The following GDAP1 variants were observed in gnomAD, a reference collection of about 807,000 sequenced individuals.
GDAP1 encodes the protein ganglioside induced differentiation associated protein 1.
GDAP1 carries 34 observed loss-of-function variants against 40.1 expected under a neutral mutation model. The ratio of observed to expected loss-of-function variants is 0.85; its 90% CI spans 0.64 to 1.13. The LOEUF (loss-of-function observed/expected upper bound fraction) is 1.13, where lower values mean the gene tolerates loss of function less well. Among genes scored for constraint, GDAP1 ranks in the 50% most tolerant of loss-of-function variants. GDAP1 has a pLI of 0.00. For missense variants in GDAP1, 374 were observed against 433.7 expected (o/e 0.86, Z 1.22); for synonymous variants, 170 against 157.4 (o/e 1.08, Z -0.60).
chr8:74,461,278 C>G (rs1332689789), intron 2 of GDAP1, among the ~76,000 whole-genome samples: 1 of 152,140 alleles, frequency 6.6e-6, no homozygotes, highest in Non-Finnish European at 1.5e-5. Context: ...TAGATACTTT[C>G]CCGGGAAAGC....
In GDAP1 at chr8:74,366,146, G is replaced by A. The variant is rs886063115; in HGVS notation, c.*1779G>A. The A allele has an allele frequency of 2.2e-6, 1 of 452,204 alleles. No individual in the cohort carries two copies. The highest frequency in any genetic ancestry group is 4.4e-6 in the Non-Finnish European group (1 of 226,342). 28.0% of individuals were successfully genotyped at this position (452,204 alleles called of 1,614,324 possible). On this transcript the variant is annotated 3_prime_UTR_variant, in exon 6 of 6. Coordinates refer to ENST00000220822, the MANE Select transcript of GDAP1 (RefSeq NM_018972.4). ...ATTTATATTATTCCTGAATCATAGG[G>A]AATCTTTCTAGAATGTGTTTATAAT...
At position 74,375,223 on chromosome 8, in the gene GDAP1, A is replaced by G. The variant is rs539899638; in HGVS notation, c.165+23902A>G. Among the ~76,000 whole-genome samples the G allele has an allele frequency of 2.0e-5, 3 of 152,242 alleles. No homozygotes were observed. In the East Asian group the frequency reaches 5.8e-4, roughly 29 times the overall value. ...GCACCTGTAATCCGAGCTACTTGGG[A>G]AACTGAGGCAAGAGAATCTCTTGAA... is the stretch of plus-strand genomic sequence containing the variant. On this transcript the variant is annotated intron_variant, in intron 2 of 2. Coordinates refer to the GDAP1 transcript ENST00000523640.
intron 2 of GDAP1, among the ~76,000 whole-genome samples, chr8:74,425,535 T>C (rs1477900174): frequency 6.6e-6 from 1 of 152,164 alleles, no homozygotes; most frequent in Non-Finnish European, 1.5e-5. Context: ...CAATTACCCT[T>C]ATCTGATGAA....
At position 74,350,538 on chromosome 8, in the gene GDAP1, T is replaced by C. The variant is rs765075797; in HGVS notation, c.77T>C (p.Leu26Pro). 1.2e-6 allele frequency: 2 copies of C among 1,612,606 alleles called. No individual in the cohort carries two copies. Among genetic ancestry groups the C allele is most frequent in the Non-Finnish European group, 8.5e-7 (1 of 1,178,594 alleles). ...GGCAAGGCCGACGCGGAGGTTAAGCTCATTCTGTACCATTGGACGCATTCC... is the reference window on the plus strand; with the variant it reads ...GGCAAGGCCGACGCGGAGGTTAAGCCCATTCTGTACCATTGGACGCATTCC... ...AEGKADAEVK[L>P]ILYHWTHSFS... The change falls in exon 1 of 6, where the codon CTC becomes CCC. Residue 26 changes from leucine to proline, a missense_variant. Transcript: ENST00000220822.
chr8:74,369,636 CATAT>C (rs58023590), downstream of GDAP1, among the ~76,000 whole-genome samples: 2 of 149,776 alleles, frequency 1.3e-5, no homozygotes, highest in Admixed American at 6.6e-5. Flanking sequence ...TGTGTGTGTG[CATAT>C]ATATATATAT....
At chr8:74,379,943 C>T (rs1809920828) in intron 2 of GDAP1, among the ~76,000 whole-genome samples, 1 of 152,198 alleles carries the variant, frequency 6.6e-6, no homozygotes. Context: ...GCTTTAAACC[C>T]TCTACTCCTA....
At chr8:74,483,290 C>CA (rs1373834553) in intron 2 of GDAP1, among the ~76,000 whole-genome samples, 1 of 152,070 alleles carries the variant, frequency 6.6e-6, no homozygotes, top group Non-Finnish European at 1.5e-5. Flanking sequence ...CACACAATAA[C>CA]AGTAGGCAGC....
At chr8:74,371,110 A>G (rs1318030094), downstream of GDAP1, among the ~76,000 whole-genome samples, 1 of 152,204 alleles carries the variant, frequency 6.6e-6, no homozygotes, top group Non-Finnish European at 1.5e-5. Context: ...TCTCATTCAC[A>G]TTTACTAGAC....
In GDAP1 at chr8:74,374,602, G is replaced by A. The variant is rs192697710; in HGVS notation, c.165+23281G>A. Among the ~76,000 whole-genome samples, 345 of 151,890 alleles carry A rather than the reference G, an allele frequency of 2.3e-3. 2 individuals are homozygous for A. The highest frequency in any genetic ancestry group is 8.0e-3 in the African/African-American group (331 of 41,380). ...CTAACAAAATTGATAAACCCCAAAA[G>A]GATAAATCAAGAAATACATAGAGAA... is the stretch of plus-strand genomic sequence containing the variant. On this transcript the variant is annotated intron_variant, in intron 2 of 2. Coordinates refer to the GDAP1 transcript ENST00000523640.
At chr8:74,394,418 G>C (rs907093061) in intron 2 of GDAP1, among the ~76,000 whole-genome samples, 1 of 152,142 alleles carries the variant, frequency 6.6e-6, no homozygotes, top group African/African-American at 2.4e-5. Flanking sequence ...CTCAAGATAG[G>C]AGAGGTAATC....
intron 2 of GDAP1, 74 bp from the exon 3 acceptor site, chr8:74,360,063 T>G: frequency 1.0e-6 from 1 of 983,310 alleles, no homozygotes; most frequent in Non-Finnish European, 1.6e-6. Flanking sequence ...GAGTGGATAG[T>G]GTTTTTGTTT....
Position 74,407,898 on chromosome 8 carries a change from A to G in GDAP1, c.165+56577A>G, listed in dbSNP as rs570164554. On this transcript the variant is annotated intron_variant, in intron 2 of 2. Transcript: ENST00000523640. ...ACTGACTTAGACAACAGGAAAAGAA[A>G]CTAGATATTTACTTCTTCTTTTAAT... Among the ~76,000 whole-genome samples, 209 of 149,910 alleles carry G rather than the reference A, an allele frequency of 1.4e-3. 20 individuals carry two copies. The highest frequency in any genetic ancestry group is 5.1e-3 in the African/African-American group (200 of 39,288).
intron 2 of GDAP1, among the ~76,000 whole-genome samples, chr8:74,480,691 C>T (rs1302544406): frequency 6.6e-6 from 1 of 152,196 alleles, no homozygotes; most frequent in Non-Finnish European, 1.5e-5. Context: ...AGTCACATTT[C>T]TAGAGGTCAA....
At chr8:74,422,171 TTTTC>T (rs373360217) in intron 2 of GDAP1, among the ~76,000 whole-genome samples, 97 of 142,422 alleles carry the variant, frequency 6.8e-4, no homozygotes, top group African/African-American at 2.6e-3. Flanking sequence ...TCTTTCTTTC[TTTTC>T]TTTCTTTCTT....
intron 2 of GDAP1, among the ~76,000 whole-genome samples, chr8:74,406,646 G>A (rs73331316): frequency 0.11 from 16,853 of 149,782 alleles, 2,403 homozygotes; most frequent in African/African-American, 0.25. Context: ...CCAACTGATG[G>A]GGGATATCAT....
chr8:74,371,884 A>G (rs940123068), intron 2 of GDAP1, among the ~76,000 whole-genome samples: 2 of 151,586 alleles, frequency 1.3e-5, no homozygotes, highest in Non-Finnish European at 2.9e-5. Flanking sequence ...TTAACTCGTC[A>G]TTTACATTAG....
intron 2 of GDAP1, among the ~76,000 whole-genome samples, chr8:74,421,261 A>G (rs1374920222): frequency 6.6e-6 from 1 of 152,204 alleles, no homozygotes; most frequent in Non-Finnish European, 1.5e-5. Flanking sequence ...AAACATTGGA[A>G]ATAACTTAAA....
chr8:74,482,735 T>G (rs1483759545), intron 2 of GDAP1, among the ~76,000 whole-genome samples: 1 of 152,220 alleles, frequency 6.6e-6, no homozygotes, highest in African/African-American at 2.4e-5. Flanking sequence ...GCACACTTAC[T>G]GGATAAATAG....
At position 74,483,789 on chromosome 8, in the gene GDAP1, T is replaced by C. The variant is rs147795440; in HGVS notation, c.166-4889T>C. Among the ~76,000 whole-genome samples the C allele has an allele frequency of 4.0e-3, 616 of 152,276 alleles. 4 individuals carry two copies. The highest frequency in any genetic ancestry group is 0.013 in the African/African-American group (536 of 41,544). On this transcript the variant is annotated intron_variant, in intron 2 of 2. Transcript: ENST00000523640. ...GGAATAGCTTCTACTTAGGAGAAGT[T>C]GGAGGGCTAACTCTTGCCTTTTGTT...
Sources: allele counts gnomAD v4.1 joint callset (sites outside exome capture counted in the v4.1 genomes callset), GRCh38; gene constraint gnomAD v4.1.1; transcripts MANE v1.5; gene names NCBI Gene and HGNC (gene_info 2026-07-23, HGNC 2026-07-21).